DLGAP2: variants seen among roughly 807,000 people sequenced by gnomAD.
The protein encoded by DLGAP2 is disks large-associated protein 2.
A neutral mutation model predicts 100.3 loss-of-function variants in DLGAP2; 26 were observed. The ratio of observed to expected loss-of-function variants is 0.26; its 90% CI spans 0.19 to 0.36. The LOEUF is 0.36. Ranked by LOEUF, DLGAP2 falls within the 10% of genes least tolerant of loss-of-function variation. The pLI is 1.00. For missense variants in DLGAP2, 1,858 were observed against 1,453.2 expected (o/e 1.28, Z -4.53); for synonymous variants, 886 against 630.1 (o/e 1.41, Z -6.08).
chr8:1,053,267 T>C (rs1203312556), intron 2 of DLGAP2, among the ~76,000 whole-genome samples: 1 of 152,184 alleles, frequency 6.6e-6, no homozygotes, highest in Non-Finnish European at 1.5e-5. Flanking sequence ...AATTATTTAA[T>C]GCTATCAGAC....
At chr8:1,116,825 A>G (rs1189932805) in intron 2 of DLGAP2, among the ~76,000 whole-genome samples, 4 of 152,136 alleles carry the variant, frequency 2.6e-5, no homozygotes, top group Non-Finnish European at 5.9e-5. Flanking sequence ...AAAAAAGAGA[A>G]TATTCATTAC....
chr8:940,371 A>G (rs1799167645), intron 2 of DLGAP2, among the ~76,000 whole-genome samples: 1 of 151,634 alleles, frequency 6.6e-6, no homozygotes, highest in Admixed American at 6.6e-5. Context: ...AGAGAGAGAG[A>G]GGGAGAGGGA....
chr8:1,528,046 G>T (rs1457252560), intron 4 of DLGAP2, among the ~76,000 whole-genome samples: 1 of 152,192 alleles, frequency 6.6e-6, no homozygotes, highest in African/African-American at 2.4e-5. Context: ...AATACAGAAA[G>T]CTTTGCCTCT....
rs1374748204 is a variant in DLGAP2 at position 1,537,722 on chromosome 8, AAAGGATGG to A, written c.173-10898_173-10891del. ...AGATGGAAGGATGGATGGATGGATG[AAAGGATGG>A]AAGGAAGGAAGGAAGGAAGGAAGGA... On this transcript the variant is annotated intron_variant, in intron 4 of 14. Transcript: ENST00000637795. Among the ~76,000 whole-genome samples the A allele has an allele frequency of 6.2e-3, 750 of 121,434 alleles. 9 individuals are homozygous for A. The highest frequency in any genetic ancestry group is 0.022 in the African/African-American group (695 of 32,038). 79.7% of individuals were successfully genotyped at this position (121,434 alleles called of 152,430 possible). A position where few individuals can be genotyped will look rare whatever the true frequency, so the allele number is the denominator to read the frequency against.
chr8:1,644,425 C>T (rs1248178193), intron 8 of DLGAP2, among the ~76,000 whole-genome samples: 4 of 152,248 alleles, frequency 2.6e-5, no homozygotes, highest in Non-Finnish European at 5.9e-5. Flanking sequence ...CTGAAATTCT[C>T]GCACCTCCAT....
In DLGAP2 at chr8:954,703, C is replaced by T. The variant is rs553364205; in HGVS notation, c.73+46737C>T. Among the ~76,000 whole-genome samples, 257 of 152,118 alleles carry T rather than the reference C, an allele frequency of 1.7e-3. 3 individuals are homozygous for T. The highest frequency in any genetic ancestry group is 6.1e-3 in the African/African-American group (253 of 41,480). On this transcript the variant is annotated intron_variant, in intron 2 of 14. Coordinates refer to ENST00000637795, the MANE Select transcript of DLGAP2 (RefSeq NM_001346810.2). The stretch of plus-strand genomic sequence containing the variant: ...GATTATGGTTACATATATGATACAA[C>T]CATAATAAAAATCAAGGGACTAATT...
intron 6 of DLGAP2, among the ~76,000 whole-genome samples, chr8:1,608,862 C>T (rs1796907440): frequency 6.6e-6 from 1 of 150,836 alleles, no homozygotes; most frequent in Non-Finnish European, 1.5e-5. Context: ...AAGAAATGAG[C>T]AAAGCCTCCA....
intron 4 of DLGAP2, among the ~76,000 whole-genome samples, chr8:1,523,487 A>G (rs1308758298): frequency 2.0e-5 from 3 of 152,306 alleles, no homozygotes; most frequent in African/African-American, 7.2e-5. Flanking sequence ...TCAGGGCCGG[A>G]TGGGGCTGTG....
chr8:1,012,265 C>T (rs900367898), intron 2 of DLGAP2, among the ~76,000 whole-genome samples: 6 of 152,236 alleles, frequency 3.9e-5, no homozygotes, highest in South Asian at 2.1e-4. Flanking sequence ...CCCATCCCTT[C>T]GCTCTTCCTG....
rs193177984 is a variant in DLGAP2, at chr8:1,266,051, A to C, written c.106+7168A>C. Among the ~76,000 whole-genome samples the C allele has an allele frequency of 4.1e-4, 63 of 152,354 alleles. 1 individual carries two copies. The highest frequency in any genetic ancestry group is 1.5e-3 in the African/African-American group (62 of 41,588). On this transcript the variant is annotated intron_variant, in intron 3 of 14. Transcript: ENST00000637795. ...ACAAGGAGAAACCAACAAATGAAAAATTATGACAGGGGACACCCTTGTCTG... is the reference window on the plus strand; with the variant it reads ...ACAAGGAGAAACCAACAAATGAAAACTTATGACAGGGGACACCCTTGTCTG...
At chr8:870,965 C>T (rs904749838) in intron 1 of DLGAP2, among the ~76,000 whole-genome samples, 7 of 152,194 alleles carry the variant, frequency 4.6e-5, no homozygotes, top group Non-Finnish European at 1.0e-4. Context: ...CTGTGGTAGA[C>T]GTATCTGGCA....
At chr8:1,116,456 C>T (rs559457907) in intron 2 of DLGAP2, among the ~76,000 whole-genome samples, 1 of 152,152 alleles carries the variant, frequency 6.6e-6, no homozygotes, top group Admixed American at 6.5e-5. Flanking sequence ...TCTTCAGTTT[C>T]TTTATCTGTA....
chr8:1,328,414 G>A (rs1396349324), intron 3 of DLGAP2, among the ~76,000 whole-genome samples: 1 of 152,100 alleles, frequency 6.6e-6, no homozygotes, highest in African/African-American at 2.4e-5. Flanking sequence ...TGCCTCCTGG[G>A]TTCAGGCTAT....
chr8:1,128,524 G>T (rs1187203645), intron 2 of DLGAP2, among the ~76,000 whole-genome samples: 1 of 152,180 alleles, frequency 6.6e-6, no homozygotes, highest in Non-Finnish European at 1.5e-5. Flanking sequence ...CATGCTGTGT[G>T]GGTGTGTAGC....
intron 6 of DLGAP2, among the ~76,000 whole-genome samples, chr8:1,625,615 T>A (rs1012356940): frequency 2.6e-5 from 4 of 152,258 alleles, no homozygotes; most frequent in African/African-American, 9.6e-5. Flanking sequence ...TGTTATTTTT[T>A]AAATATGTAA....
At chr8:988,081 A>G (rs1039438806) in intron 2 of DLGAP2, among the ~76,000 whole-genome samples, 3 of 152,218 alleles carry the variant, frequency 2.0e-5, no homozygotes, top group Non-Finnish European at 4.4e-5. Flanking sequence ...GCATGGTTCT[A>G]TTCTCATAGG....
intron 1 of DLGAP2, among the ~76,000 whole-genome samples, chr8:840,600 TGGA>T: frequency 3.4e-5 from 3 of 87,140 alleles, no homozygotes; most frequent in Non-Finnish European, 5.4e-5. Flanking sequence ...CCCCACACTC[TGGA>T]TTCTGCGAGC....
intron 2 of DLGAP2, among the ~76,000 whole-genome samples, chr8:1,142,333 C>T (rs897474964): frequency 2.6e-5 from 4 of 152,136 alleles, no homozygotes; most frequent in Non-Finnish European, 5.9e-5. Context: ...CTGAGCATCA[C>T]ATGCCTCATA....
intron 3 of DLGAP2, among the ~76,000 whole-genome samples, chr8:1,335,725 G>C (rs1259602473): frequency 6.6e-6 from 1 of 152,212 alleles, no homozygotes; most frequent in Non-Finnish European, 1.5e-5. Context: ...GACGCCCAGG[G>C]AACCCTGAGT....
Sources: gnomAD v4.1 joint callset for allele counts (sites outside exome capture counted in the v4.1 genomes callset) on GRCh38, gnomAD v4.1.1 for gene constraint, MANE v1.5 for transcripts, NCBI Gene and HGNC (gene_info 2026-07-23, HGNC 2026-07-21) for gene names.